Variants in SEMA5A observed in about 807,000 individuals in gnomAD.
SEMA5A encodes the protein semaphorin-5A.
In SEMA5A, 55 loss-of-function variants were observed where a neutral mutation model predicts 135.5. The observed-to-expected ratio is 0.41, with a 90% confidence interval of 0.33 to 0.51. SEMA5A has a LOEUF of 0.51. SEMA5A is among the 20% of genes least tolerant of loss of function. The pLI is 0.37. For synonymous variants in SEMA5A, 580 were observed against 546.5 expected (o/e 1.06, Z -0.85); for missense variants, 1,290 against 1,419.9 (o/e 0.91, Z 1.47).
chr5:9,443,417 A>G (rs1164048761), intron 1 of SEMA5A, among the ~76,000 whole-genome samples: 1 of 152,212 alleles, frequency 6.6e-6, no homozygotes, highest in Non-Finnish European at 1.5e-5. Context: ...TACAGGGATA[A>G]CAGGATGTCC....
chr5:9,054,578 G>A (rs1329500293), intron 18 of SEMA5A, among the ~76,000 whole-genome samples: 2 of 152,070 alleles, frequency 1.3e-5, no homozygotes, highest in Admixed American at 6.6e-5. Context: ...CAGAGTGCAC[G>A]AGCTGTCATA....
At chr5:9,506,526 C>A (rs985643297) in intron 1 of SEMA5A, among the ~76,000 whole-genome samples, 1 of 152,122 alleles carries the variant, frequency 6.6e-6, no homozygotes, top group Non-Finnish European at 1.5e-5. Context: ...TAATGAACAA[C>A]GAAATATGGC....
intron 11 of SEMA5A, among the ~76,000 whole-genome samples, chr5:9,158,067 C>A (rs2030955439): frequency 6.6e-6 from 1 of 152,124 alleles, no homozygotes; most frequent in African/African-American, 2.4e-5. Context: ...GCTATTAGGG[C>A]CAGTAGAGAT....
chr5:9,251,876 A>G (rs1748812384), intron 5 of SEMA5A, among the ~76,000 whole-genome samples: 1 of 152,140 alleles, frequency 6.6e-6, no homozygotes. Context: ...CCTCCCAACA[A>G]TCTAGGGTAT....
intron 11 of SEMA5A, among the ~76,000 whole-genome samples, chr5:9,179,557 A>G (rs545049385): frequency 6.6e-6 from 1 of 152,356 alleles, no homozygotes; most frequent in Non-Finnish European, 1.5e-5. Flanking sequence ...GGCATCAGCT[A>G]CTAAAAATAT....
chr5:9,307,939 C>T (rs1751947809), intron 5 of SEMA5A, among the ~76,000 whole-genome samples: 1 of 149,846 alleles, frequency 6.7e-6, no homozygotes, highest in Non-Finnish European at 1.5e-5. Flanking sequence ...GTTTTTGAGG[C>T]CACAAGCAAA....
intron 1 of SEMA5A, among the ~76,000 whole-genome samples, chr5:9,510,330 G>T: frequency 6.6e-6 from 1 of 152,178 alleles, no homozygotes; most frequent in East Asian, 1.9e-4. Context: ...GGGAGAATTA[G>T]TGTGTATTTG....
chr5:9,520,278 T>G (rs6859610), intron 1 of SEMA5A, among the ~76,000 whole-genome samples: 1 of 152,316 alleles, frequency 6.6e-6, no homozygotes, highest in South Asian at 2.1e-4. Flanking sequence ...GCAAAGGCTC[T>G]GCCTCGTGGG....
chr5:9,367,064 A>G (rs1754948003), intron 3 of SEMA5A, among the ~76,000 whole-genome samples: 1 of 152,226 alleles, frequency 6.6e-6, no homozygotes, highest in Admixed American at 6.5e-5. Context: ...GCCTACATCG[A>G]TCTTCGTTAA....
rs577897407 is a variant in SEMA5A, at chr5:9,477,814, T to A, written c.-174-39962A>T. On this transcript the variant is annotated intron_variant, in intron 1 of 22. Transcript: ENST00000382496. ...ATAAAAGATTGGAAAATTTGCAGTC[T>A]GACCATGCAGTAGAAAAGAAAAAAA... Among the ~76,000 whole-genome samples the A allele has an allele frequency of 1.1e-3, 165 of 152,358 alleles. 1 individual carries two copies. Among genetic ancestry groups the A allele is most frequent in the African/African-American group, 3.7e-3 (155 of 41,584 alleles).
chr5:9,289,977 T>G (rs1750998284), intron 5 of SEMA5A, among the ~76,000 whole-genome samples: 2 of 152,250 alleles, frequency 1.3e-5, no homozygotes, highest in African/African-American at 4.8e-5. Flanking sequence ...TTATAGTGAT[T>G]GTTGAGCATC....
chr5:9,358,785 G>T (rs150889491), intron 3 of SEMA5A, among the ~76,000 whole-genome samples: 1 of 152,336 alleles, frequency 6.6e-6, no homozygotes, highest in East Asian at 1.9e-4. Context: ...AGCTTGGGAT[G>T]CTAGGAGAGA....
At chr5:9,437,211 C>G (rs1477829143) in intron 2 of SEMA5A, among the ~76,000 whole-genome samples, 1 of 152,176 alleles carries the variant, frequency 6.6e-6, no homozygotes, top group Non-Finnish European at 1.5e-5. Context: ...GCAGAAGATG[C>G]TAAGAAGCAT....
At chr5:9,116,814 T>C (rs764827453) in intron 15 of SEMA5A, among the ~76,000 whole-genome samples, 1 of 152,228 alleles carries the variant, frequency 6.6e-6, no homozygotes, top group Non-Finnish European at 1.5e-5. Context: ...ATCTGCATTG[T>C]TGGAATCAGA....
At chr5:9,541,488 A>T (rs1738088396) in intron 1 of SEMA5A, among the ~76,000 whole-genome samples, 1 of 152,222 alleles carries the variant, frequency 6.6e-6, no homozygotes, top group South Asian at 2.1e-4. Flanking sequence ...TAAAAAAATT[A>T]TTCTCTTTTA....
chr5:9,135,795 G>T (rs2150217213), intron 13 of SEMA5A, among the ~76,000 whole-genome samples: 1 of 152,106 alleles, frequency 6.6e-6, no homozygotes, highest in South Asian at 2.1e-4. Flanking sequence ...ATGATTCAAT[G>T]AAATGTTCTA....
Position 9,035,426 on chromosome 5 carries a change from A to C in SEMA5A, c.*7471T>G, listed in dbSNP as rs141875507. ...AGCAGGTGTGAGTTGCCTTCCATTG[A>C]TTGGTTAGGTGACCTCCGCCCACCC... On this transcript the variant is annotated 3_prime_UTR_variant, in exon 23 of 23. Coordinates refer to ENST00000382496, the MANE Select transcript of SEMA5A (RefSeq NM_003966.3). 8 of 152,160 alleles carry C rather than the reference A, an allele frequency of 5.3e-5. No homozygotes were observed. Among genetic ancestry groups the C allele is most frequent in the African/African-American group, 1.7e-4 (7 of 41,522 alleles). The allele number at this position is 152,160 out of a possible 1,614,324, so 9.4% of individuals were successfully genotyped here. A position where few individuals can be genotyped will look rare whatever the true frequency, so the allele number is the denominator to read the frequency against.
At chr5:9,395,482 T>G (rs1450431618) in intron 2 of SEMA5A, among the ~76,000 whole-genome samples, 2 of 152,162 alleles carry the variant, frequency 1.3e-5, no homozygotes, top group African/African-American at 4.8e-5. Flanking sequence ...CTTGCTAGAC[T>G]CAGTTTACCT....
intron 3 of SEMA5A, among the ~76,000 whole-genome samples, chr5:9,378,669 A>T (rs1178313170): frequency 6.6e-6 from 1 of 152,262 alleles, no homozygotes; most frequent in African/African-American, 2.4e-5. Context: ...AGGGTGTGAA[A>T]TAAAAGTAAA....
Sources: gnomAD v4.1 joint callset for allele counts (sites outside exome capture counted in the v4.1 genomes callset) on GRCh38, gnomAD v4.1.1 for gene constraint, MANE v1.5 for transcripts, NCBI Gene and HGNC (gene_info 2026-07-23, HGNC 2026-07-21) for gene names.